The following CCDC178 variants were observed in gnomAD, a reference collection of about 807,000 sequenced individuals.
CCDC178 encodes the protein coiled-coil domain containing 178.
In CCDC178, 126 loss-of-function variants were observed where a neutral mutation model predicts 117.4. The ratio of observed to expected loss-of-function variants is 1.07; its 90% confidence interval spans 0.93 to 1.24. The LOEUF (loss-of-function observed/expected upper bound fraction) is 1.24, where lower values mean the gene tolerates loss of function less well. CCDC178 is among the 50% of genes most tolerant of loss of function. CCDC178 has a pLI of 0.00. For missense variants in CCDC178, 1,030 were observed against 986.9 expected (o/e 1.04, Z -0.59); for synonymous variants, 283 against 313.4 (o/e 0.90, Z 1.02).
intron 20 of CCDC178, among the ~76,000 whole-genome samples, chr18:33,115,163 A>G (rs1488927857): frequency 6.6e-6 from 1 of 151,954 alleles, no homozygotes; most frequent in Non-Finnish European, 1.5e-5. Flanking sequence ...AAATGTTTAA[A>G]TTTAACTGAA....
At chr18:32,988,326 C>T (rs1403902412) in intron 21 of CCDC178, among the ~76,000 whole-genome samples, 3 of 151,508 alleles carry the variant, frequency 2.0e-5, no homozygotes, top group African/African-American at 7.3e-5. Context: ...GTCCCAGATA[C>T]TCGGGAGGCT....
At chr18:33,021,540 T>C (rs965467116) in intron 21 of CCDC178, among the ~76,000 whole-genome samples, 4 of 152,054 alleles carry the variant, frequency 2.6e-5, no homozygotes, top group Non-Finnish European at 4.4e-5. Context: ...CTACTAAAAA[T>C]ACAAACAACA....
intron 11 of CCDC178, among the ~76,000 whole-genome samples, chr18:33,309,820 C>T (rs867542370): frequency 6.6e-6 from 1 of 151,676 alleles, no homozygotes. Flanking sequence ...GTGTTATAGA[C>T]ATAAAGATGT....
chr18:32,958,779 G>T (rs572992481), intron 22 of CCDC178, among the ~76,000 whole-genome samples: 17 of 152,228 alleles, frequency 1.1e-4, no homozygotes, highest in African/African-American at 3.9e-4. Flanking sequence ...CAAGCTTGCT[G>T]CCTTCCTTTT....
At chr18:33,179,006 C>A (rs1428709890) in intron 20 of CCDC178, among the ~76,000 whole-genome samples, 1 of 134,798 alleles carries the variant, frequency 7.4e-6, no homozygotes, top group African/African-American at 2.9e-5. Context: ...TGTGTTAGTC[C>A]TTCCAGAACT....
intron 14 of CCDC178, among the ~76,000 whole-genome samples, chr18:33,253,030 C>T (rs1433327945): frequency 6.6e-6 from 1 of 151,824 alleles, no homozygotes; most frequent in Non-Finnish European, 1.5e-5. Context: ...CCCTGCCTAT[C>T]ATGTGAATAA....
chr18:33,371,432 A>G (rs961882917), intron 5 of CCDC178, among the ~76,000 whole-genome samples: 2 of 151,934 alleles, frequency 1.3e-5, no homozygotes, highest in Non-Finnish European at 2.9e-5. Flanking sequence ...TTGATTTCAT[A>G]GATGAGGAAA....
chr18:33,166,035 T>A (rs367723320), intron 20 of CCDC178, among the ~76,000 whole-genome samples: 29 of 152,218 alleles, frequency 1.9e-4, no homozygotes, highest in African/African-American at 7.0e-4. Context: ...TGGTTTATAT[T>A]AAGGTATCAG....
At chr18:33,269,808 T>A (rs759306573) in intron 12 of CCDC178, among the ~76,000 whole-genome samples, 2 of 151,814 alleles carry the variant, frequency 1.3e-5, no homozygotes, top group Non-Finnish European at 2.9e-5. Flanking sequence ...TACATTGTAT[T>A]TAAAATGTTC....
intron 20 of CCDC178, among the ~76,000 whole-genome samples, chr18:33,147,597 T>C (rs980619648): frequency 4.6e-5 from 7 of 151,786 alleles, no homozygotes; most frequent in Non-Finnish European, 7.4e-5. Context: ...CCTTCAAGCA[T>C]CTGTTTAACA....
chr18:33,246,903 A>G (rs1385212479), intron 14 of CCDC178, among the ~76,000 whole-genome samples: 2 of 151,932 alleles, frequency 1.3e-5, no homozygotes, highest in African/African-American at 2.4e-5. Flanking sequence ...TCTTTGTATG[A>G]TCACTGGGAA....
At chr18:33,202,367 T>G (rs1598994886) in intron 20 of CCDC178, among the ~76,000 whole-genome samples, 1 of 111,466 alleles carries the variant, frequency 9.0e-6, no homozygotes, top group Non-Finnish European at 1.7e-5. Context: ...CACTCCAGCC[T>G]GGCAACAGAG....
chr18:32,944,304 A>G (rs1345603866), intron 22 of CCDC178, among the ~76,000 whole-genome samples: 1 of 152,204 alleles, frequency 6.6e-6, no homozygotes, highest in Non-Finnish European at 1.5e-5. Context: ...ATGGAAAAGC[A>G]CGGATCTATT....
At chr18:33,263,433 A>G (rs1404278819) in intron 14 of CCDC178, among the ~76,000 whole-genome samples, 1 of 152,200 alleles carries the variant, frequency 6.6e-6, no homozygotes, top group Non-Finnish European at 1.5e-5. Flanking sequence ...GGTCATCCAT[A>G]TAATACACTT....
chr18:32,940,901 G>A (rs1392734925), intron 22 of CCDC178, among the ~76,000 whole-genome samples: 1 of 151,888 alleles, frequency 6.6e-6, no homozygotes, highest in African/African-American at 2.4e-5. Flanking sequence ...GATTTTCTGG[G>A]GTGTGTTAAG....
At chr18:33,435,937 C>T (rs1204983255) in intron 2 of CCDC178, among the ~76,000 whole-genome samples, 1 of 151,800 alleles carries the variant, frequency 6.6e-6, no homozygotes, top group African/African-American at 2.4e-5. Flanking sequence ...GAGAGGACCA[C>T]TGAAACTTCA....
intron 20 of CCDC178, among the ~76,000 whole-genome samples, chr18:33,103,301 C>G (rs567280399): frequency 6.6e-6 from 1 of 151,642 alleles, no homozygotes; most frequent in East Asian, 2.0e-4. Flanking sequence ...ATGGGGGAAA[C>G]TGCCCTCATG....
intron 11 of CCDC178, among the ~76,000 whole-genome samples, chr18:33,302,658 C>T (rs191820357): frequency 7.9e-5 from 12 of 152,232 alleles, no homozygotes; most frequent in East Asian, 5.8e-4. Flanking sequence ...TATGTATACA[C>T]GACGTAATAC....
At chr18:33,030,226 C>T (rs1444114891) in intron 21 of CCDC178, among the ~76,000 whole-genome samples, 1 of 152,022 alleles carries the variant, frequency 6.6e-6, no homozygotes, top group Non-Finnish European at 1.5e-5. Context: ...TAAAATGCCT[C>T]TCTTTATGCT....
Sources: gnomAD v4.1 joint callset for allele counts (sites outside exome capture counted in the v4.1 genomes callset) on GRCh38, gnomAD v4.1.1 for gene constraint, MANE v1.5 for transcripts, NCBI Gene and HGNC (gene_info 2026-07-23, HGNC 2026-07-21) for gene names.